The following RNF220 variants were observed in gnomAD, a reference collection of about 807,000 sequenced individuals.
RNF220 encodes the protein ring finger protein 220.
A neutral mutation model predicts 67.1 loss-of-function variants in RNF220; 7 were observed. That is an observed-to-expected ratio of 0.10 (90% confidence interval 0.06 to 0.20). The LOEUF (loss-of-function observed/expected upper bound fraction) is 0.20, where lower values mean the gene tolerates loss of function less well. Among genes scored for constraint, RNF220 ranks in the 10% least tolerant of loss-of-function variants. The pLI is 1.00. For synonymous variants in RNF220, 270 were observed against 283.2 expected (o/e 0.95, Z 0.47); for missense variants, 565 against 740.3 (o/e 0.76, Z 2.75).
chr1:44,629,415 T>G (rs1186851479), intron 5 of RNF220, among the ~76,000 whole-genome samples: 1 of 152,268 alleles, frequency 6.6e-6, no homozygotes, highest in Non-Finnish European at 1.5e-5. Context: ...CCTTGTCTTA[T>G]CCTTCCTTTA....
At chr1:44,420,209 C>G (rs950842305) in intron 2 of RNF220, among the ~76,000 whole-genome samples, 8 of 152,232 alleles carry the variant, frequency 5.3e-5, no homozygotes, top group African/African-American at 1.9e-4. Context: ...CCAGTACATT[C>G]TGTTAACAGA....
At chr1:44,644,824 G>A in intron 9 of RNF220, 30 bp downstream of exon 9, 2 of 1,576,898 alleles carry the variant, frequency 1.3e-6, no homozygotes, top group South Asian at 1.1e-5. Flanking sequence ...GGGGCTGGTG[G>A]GGCTGATAGG....
chr1:44,606,713 T>C lies in RNF220; in HGVS notation c.626-7452T>C, dbSNP rs1028121239. Among the ~76,000 whole-genome samples the C allele has an allele frequency of 2.0e-5, 3 of 152,234 alleles. No homozygotes were observed. The highest frequency in any genetic ancestry group is 1.3e-4 in the Admixed American group (2 of 15,286). On this transcript the variant is annotated intron_variant, in intron 2 of 14. Transcript: ENST00000361799. The surrounding 1 kb of genome is among the most constrained non-coding windows in gnomAD (Gnocchi z 4.2). The stretch of plus-strand genomic sequence containing the variant: ...TCCAGACACTCTTCCTAGTGTATTC[T>C]CTCTCCCTAGGTGATCTTGCCTACT...
chr1:44,616,643 G>A (rs1643559740), intron 3 of RNF220, among the ~76,000 whole-genome samples: 1 of 151,524 alleles, frequency 6.6e-6, no homozygotes, highest in Non-Finnish European at 1.5e-5. Context: ...GCAGAAAGTG[G>A]GAAAAAAAAA....
chr1:44,430,942 T>C (rs1366390105), intron 2 of RNF220, among the ~76,000 whole-genome samples: 1 of 152,236 alleles, frequency 6.6e-6, no homozygotes, highest in Non-Finnish European at 1.5e-5. Context: ...GATGAATTGA[T>C]AAAACTGAAT....
At chr1:44,519,674 GTT>G (rs1457772449) in intron 2 of RNF220, among the ~76,000 whole-genome samples, 1 of 152,218 alleles carries the variant, frequency 6.6e-6, no homozygotes, top group Non-Finnish European at 1.5e-5. Flanking sequence ...AGCGGCCCAA[GTT>G]GTGAACCTCC....
At position 44,635,551 on chromosome 1, in the gene RNF220, T is replaced by A. The variant is rs1304949329; in HGVS notation, c.956T>A (p.Ile319Asn). The change falls in exon 7 of 15, where the codon ATT (isoleucine) becomes AAT (asparagine). Residue 319 changes from isoleucine to asparagine, a missense_variant. Transcript: ENST00000361799. Reference protein sequence around the residue: ...ANRQTRLNARIGKMKRRKQDE... With the variant: ...ANRQTRLNARNGKMKRRKQDE... The stretch of plus-strand genomic sequence containing the variant: ...TTTCGGTTTCCCCGTGCAGCTCGGA[T>A]TGGGAAAATGAAACGGAGGAAGCAA... 2 of 1,614,044 alleles carry A rather than the reference T, an allele frequency of 1.2e-6. No individual in the cohort carries two copies. The highest frequency in any genetic ancestry group is 1.7e-6 in the Non-Finnish European group (2 of 1,179,944).
chr1:44,541,966 C>T (rs937719250), intron 2 of RNF220, among the ~76,000 whole-genome samples: 9 of 152,318 alleles, frequency 5.9e-5, no homozygotes, highest in Admixed American at 3.9e-4. Context: ...TTGCATCTCT[C>T]GCTGTGACAA....
At chr1:44,491,285 A>T (rs1312376184) in intron 2 of RNF220, among the ~76,000 whole-genome samples, 1 of 152,168 alleles carries the variant, frequency 6.6e-6, no homozygotes, top group Admixed American at 6.5e-5. Flanking sequence ...ATCACAAAAA[A>T]ATAAAACTTT....
chr1:44,509,577 T>G (rs569997453), intron 2 of RNF220, among the ~76,000 whole-genome samples: 103 of 136,240 alleles, frequency 7.6e-4, no homozygotes, highest in Non-Finnish European at 1.3e-3. Context: ...AATAAATAAA[T>G]AAAAGAAAAG....
chr1:44,413,843 C>G (rs1441950695), intron 2 of RNF220, among the ~76,000 whole-genome samples: 1 of 150,814 alleles, frequency 6.6e-6, no homozygotes, highest in Non-Finnish European at 1.5e-5. Context: ...AGAGACATTG[C>G]AGCTCTCTCC....
At chr1:44,607,117 T>C (rs566179633) in intron 2 of RNF220, among the ~76,000 whole-genome samples, 1 of 152,190 alleles carries the variant, frequency 6.6e-6, no homozygotes, top group South Asian at 2.1e-4. Flanking sequence ...TCTGTTCATC[T>C]CCGGCATCGT....
At chr1:44,420,776 G>C (rs1649125010) in intron 2 of RNF220, among the ~76,000 whole-genome samples, 1 of 152,218 alleles carries the variant, frequency 6.6e-6, no homozygotes, top group South Asian at 2.1e-4. Flanking sequence ...GAGTTATACA[G>C]ACTTAAAGGT....
chr1:44,616,219 T>A (rs758106031), intron 3 of RNF220, among the ~76,000 whole-genome samples: 22 of 152,336 alleles, frequency 1.4e-4, no homozygotes, highest in Non-Finnish European at 2.4e-4. Context: ...TTCTATTCTG[T>A]TCACTAGGAG....
chr1:44,573,925 G>A (rs2148326250), intron 2 of RNF220, among the ~76,000 whole-genome samples: 2 of 151,980 alleles, frequency 1.3e-5, no homozygotes, highest in Middle Eastern at 6.8e-3. Flanking sequence ...ACCAGCCTGG[G>A]CAACACGGCA....
intron 2 of RNF220, among the ~76,000 whole-genome samples, chr1:44,457,337 T>TG (rs1653294132): frequency 1.3e-5 from 2 of 152,174 alleles, no homozygotes; most frequent in Admixed American, 1.3e-4. Flanking sequence ...ACTCAATAGG[T>TG]GCCCAGAACT....
At chr1:44,431,652 G>A (rs1650393726) in intron 2 of RNF220, among the ~76,000 whole-genome samples, 2 of 152,142 alleles carry the variant, frequency 1.3e-5, no homozygotes, top group Admixed American at 1.3e-4. Context: ...CTCCACTTAA[G>A]TTGGCGCTAG....
At chr1:44,411,413 A>T (rs1310106883) in intron 1 of RNF220, among the ~76,000 whole-genome samples, 2 of 152,284 alleles carry the variant, frequency 1.3e-5, no homozygotes, top group East Asian at 3.9e-4. Flanking sequence ...TGTATATGCC[A>T]ATGTGTATCT....
chr1:44,552,467 G>A (rs1227120485), intron 2 of RNF220, among the ~76,000 whole-genome samples: 3 of 151,056 alleles, frequency 2.0e-5, no homozygotes, highest in African/African-American at 7.3e-5. Context: ...CTGCGCTCCA[G>A]CCTGGGCAAC....
Sources: gnomAD v4.1 joint callset for allele counts (sites outside exome capture counted in the v4.1 genomes callset) on GRCh38, gnomAD v4.1.1 for gene constraint, Gnocchi (gnomAD v3.1) non-coding constraint, MANE v1.5 for transcripts, NCBI Gene and HGNC (gene_info 2026-07-23, HGNC 2026-07-21) for gene names.